Variants in FMR1 observed in about 807,000 individuals in gnomAD.
The protein encoded by FMR1 is FMRP translational regulator 1.
A neutral mutation model predicts 50.6 loss-of-function variants in FMR1; 13 were observed. The ratio of observed to expected loss-of-function variants is 0.26; its 90% CI spans 0.17 to 0.41. The LOEUF is 0.41. Ranked by LOEUF, FMR1 falls within the 10% of genes least tolerant of loss-of-function variation. The probability of loss-of-function intolerance (pLI) is 1.00; values close to 1 mark genes in which losing one functional copy is unlikely to be tolerated. For missense variants in FMR1, 316 were observed against 491.3 expected (o/e 0.64, Z 3.37); for synonymous variants, 138 against 164.1 (o/e 0.84, Z 1.22).
rs2043832098 is a variant in FMR1 at position 147,937,495 on chromosome X, C to T, written c.1020C>T (p.Ser340=). Residue 340 remains serine, a synonymous_variant, in exon 11 of 17, where the codon TCC becomes TCT. Transcript: ENST00000370475. The part of the protein sequence containing the change: ...EEIMPPNSLP[S]NNSRVGPNAP... ...TTATGCCACCAAATTCCCTTCCTTC[C>T]AATAATTCAAGGGTTGGACCTAATG... 1 of 1,201,344 alleles carries T rather than the reference C, an allele frequency of 8.3e-7. No individual in the cohort carries two copies. The highest frequency in any genetic ancestry group is 1.8e-5 in the African/African-American group (1 of 56,598).
intron 5 of FMR1, among the ~76,000 whole-genome samples, chrX:147,929,151 C>T (rs782258926): frequency 1.8e-5 from 2 of 111,708 alleles, no homozygotes; most frequent in East Asian, 2.8e-4. Flanking sequence ...AAACTATAAA[C>T]GATTTCTCCG....
chrX:147,933,438 A>T (rs2043677272), intron 9 of FMR1: 1 of 996,400 alleles, frequency 1.0e-6, no homozygotes, highest in African/African-American at 2.0e-5. Flanking sequence ...AAATCTAAAA[A>T]GTTCCAAAGC....
intron 1 of FMR1, among the ~76,000 whole-genome samples, chrX:147,921,693 T>G (rs1250322417): frequency 1.8e-5 from 2 of 111,760 alleles, no homozygotes; most frequent in Middle Eastern, 4.2e-3. Context: ...GATGTTGAAA[T>G]CTGTGGAGAA....
chrX:147,944,977 G>A lies in FMR1; in HGVS notation c.1580G>A (p.Arg527His), dbSNP rs782738200. The A allele has an allele frequency of 1.7e-5, 21 of 1,204,066 alleles. No individual in the cohort carries two copies. The highest frequency in any genetic ancestry group is 2.2e-5 in the Non-Finnish European group (20 of 892,263). ...GAGGAAGAGAGGGAGAGCTTCCTGC[G>A]CAGAGGAGACGGACGGCGGCGTGGA... ...PTEEERESFL[R>H]RGDGRRRGGG... The change falls in exon 15 of 17, where the codon CGC (arginine) becomes CAC (histidine). Residue 527 changes from arginine to histidine, a missense_variant. Coordinates refer to ENST00000370475, the MANE Select transcript of FMR1 (RefSeq NM_002024.6).
chrX:147,943,537 C>CTGAT lies in FMR1; in HGVS notation c.1471+214_1471+217dup, dbSNP rs782208740. On this transcript the variant is annotated intron_variant, in intron 14 of 16. Coordinates refer to ENST00000370475, the MANE Select transcript of FMR1 (RefSeq NM_002024.6). ...GGCCGGTGCAAGTTCTGTTCATGCT[C>CTGAT]TGATTGGGGGTAAATCTGCAAAGCC... 5 of 424,434 alleles carry CTGAT rather than the reference C, an allele frequency of 1.2e-5. No homozygotes were observed. The South Asian group carries it at 1.8e-4, about 16-fold the overall frequency. The allele number at this position is 424,434 out of a possible 1,213,427, so 35.0% of individuals were successfully genotyped here. A position where few individuals can be genotyped will look rare whatever the true frequency, so the allele number is the denominator to read the frequency against.
chrX:147,918,512 ACATCCGGAAAT>A (rs1196319790), intron 1 of FMR1, among the ~76,000 whole-genome samples: 3 of 100,380 alleles, frequency 3.0e-5, no homozygotes, highest in South Asian at 4.8e-4. Flanking sequence ...CTCTGACACT[ACATCCGGAAAT>A]CATCCGGAAA....
intron 3 of FMR1, among the ~76,000 whole-genome samples, chrX:147,926,548 C>T (rs2043394504): frequency 1.8e-5 from 2 of 110,184 alleles, no homozygotes; most frequent in African/African-American, 3.3e-5. Flanking sequence ...AGTGCAATGG[C>T]GCGATCTTGG....
chrX:147,929,378 A>G (rs1557178204), intron 5 of FMR1, among the ~76,000 whole-genome samples: 1 of 111,389 alleles, frequency 9.0e-6, no homozygotes, highest in African/African-American at 3.3e-5. Context: ...TTCAGAATAC[A>G]TAGAAATCCT....
At chrX:147,935,452 T>C (rs1408384413) in intron 9 of FMR1, among the ~76,000 whole-genome samples, 1 of 112,393 alleles carries the variant, frequency 8.9e-6, no homozygotes, top group East Asian at 2.8e-4. Context: ...TGCCTTGAGC[T>C]TTGCCTTTAA....
Position 147,912,096 on chromosome X carries a change from C to CGGCGGCGGA in FMR1, c.-76_-75insAGGCGGCGG, listed in dbSNP as rs1931669889. The CGGCGGCGGA allele has an allele frequency of 1.2e-5, 7 of 604,630 alleles. No homozygotes were observed. Among genetic ancestry groups the CGGCGGCGGA allele is most frequent in the Middle Eastern group, 9.6e-4 (1 of 1,046 alleles). The allele number at this position is 604,630 out of a possible 1,213,427, so 49.8% of individuals were successfully genotyped here. On this transcript the variant is annotated 5_prime_UTR_variant, in exon 1 of 17. Coordinates refer to ENST00000370475, the MANE Select transcript of FMR1 (RefSeq NM_002024.6). ...GCGGCGGCGGAGGCGGCGGCGGCGG[C>CGGCGGCGGA]GGCGGCGGCGGCGGCTGGGCCTCGA...
intron 9 of FMR1, among the ~76,000 whole-genome samples, chrX:147,935,274 AG>A (rs1451471816): frequency 8.9e-6 from 1 of 112,013 alleles, no homozygotes; most frequent in Non-Finnish European, 1.9e-5. Flanking sequence ...TTCTATGACC[AG>A]TCAAAGAGTT....
Position 147,938,126 on chromosome X carries a change from G to C in FMR1, c.1153G>C (p.Gly385Arg). The C allele has an allele frequency of 8.3e-7, 1 of 1,209,154 alleles. No homozygotes were observed. Among genetic ancestry groups the C allele is most frequent in the Non-Finnish European group, 1.1e-6 (1 of 893,010 alleles). The change falls in exon 12 of 17, where the codon GGG (glycine) becomes CGG (arginine). Residue 385 changes from glycine (G) to arginine (R), a missense_variant. Gly to Arg is a moderately radical substitution (Grantham distance 125). Around this residue, in one of 4 missense-constraint regions of FMR1, gnomAD observed 53 missense variants for 51.5 expected, o/e 1.03. Coordinates refer to ENST00000370475, the MANE Select transcript of FMR1 (RefSeq NM_002024.6). ...GTTAGTGGCTTCATCAGTTGTAGCA[G>C]GGGAATCCCAGAAACCTGAACTCAA... ...RVLVASSVVA[G>R]ESQKPELKAW...
intron 1 of FMR1, among the ~76,000 whole-genome samples, chrX:147,917,405 G>C (rs782365683): frequency 3.6e-5 from 4 of 111,894 alleles, no homozygotes; most frequent in Non-Finnish European, 7.5e-5. Flanking sequence ...CCAGTTGCTA[G>C]TAAATTAGGG....
rs1557181565 is a variant in FMR1, at chrX:147,944,815, CTTTTT to C, written c.1472-44_1472-40del. 1.5e-5 allele frequency: 16 copies of C among 1,049,453 alleles called. No individual in the cohort carries two copies. In the African/African-American group the frequency reaches 3.2e-4, roughly 21 times the overall value. The allele number at this position is 1,049,453 out of a possible 1,213,427, so 86.5% of individuals were successfully genotyped here. On this transcript the variant is annotated intron_variant, in intron 14 of 16. Coordinates refer to ENST00000370475, the MANE Select transcript of FMR1 (RefSeq NM_002024.6). ...GTCTCTGGAAGCTTCTGTTAACCCT[CTTTTT>C]TTTTTTTTTAAAGTCAGACAATGGT...
intron 1 of FMR1, among the ~76,000 whole-genome samples, chrX:147,917,381 A>G (rs1383100660): frequency 1.8e-5 from 2 of 111,947 alleles, no homozygotes; most frequent in Non-Finnish European, 3.8e-5. Flanking sequence ...GATTATTGTA[A>G]TTACCTCTTT....
intron 1 of FMR1, among the ~76,000 whole-genome samples, chrX:147,918,589 A>G (rs963030614): frequency 2.9e-4 from 14 of 48,536 alleles, no homozygotes; most frequent in Non-Finnish European, 4.2e-4. Context: ...TTGAATAGCT[A>G]CAGCACTTGC....
chrX:147,947,528 G>A (rs1167773389), intron 16 of FMR1: 1 of 109,786 alleles, frequency 9.1e-6, no homozygotes, highest in Non-Finnish European at 1.9e-5. Context: ...GGCTAACATG[G>A]TGAAACCCCA....
rs1333529157 is a variant in FMR1, at chrX:147,912,133, C to T, written c.-47C>T. On this transcript the variant is annotated 5_prime_UTR_variant, in exon 1 of 17. Coordinates refer to ENST00000370475, the MANE Select transcript of FMR1 (RefSeq NM_002024.6). ...CGGCTGGGCCTCGAGCGCCCGCAGC[C>T]CACCTCTCGGGGGCGGGCTCCCGGC... 7.3e-6 allele frequency: 7 copies of T among 959,316 alleles called. No individual in the cohort carries two copies. In the African/African-American group the frequency reaches 1.9e-4, roughly 26 times the overall value. The allele number at this position is 959,316 out of a possible 1,213,427, so 79.1% of individuals were successfully genotyped here. A position where few individuals can be genotyped will look rare whatever the true frequency, so the allele number is the denominator to read the frequency against.
Position 147,940,563 on chromosome X carries a change from A to G in FMR1, c.1189-13A>G. On this transcript the variant is annotated splice_polypyrimidine_tract_variant and intron_variant, in intron 12 of 16. Transcript: ENST00000370475. ...TTACTTTTATAGGATCATTGTTGCA[A>G]TTTCTTTTTCAGGGTATGGTACCAT... 1 of 1,126,636 alleles carries G rather than the reference A, an allele frequency of 8.9e-7. No homozygotes were observed. The highest frequency in any genetic ancestry group is 1.2e-6 in the Non-Finnish European group (1 of 818,064). 92.8% of individuals were successfully genotyped at this position (1,126,636 alleles called of 1,213,427 possible).
Sources: allele counts gnomAD v4.1 joint callset (sites outside exome capture counted in the v4.1 genomes callset), GRCh38; gene constraint gnomAD v4.1.1; regional missense constraint gnomAD v4.1.1; transcripts MANE v1.5; gene names NCBI Gene and HGNC (gene_info 2026-07-23, HGNC 2026-07-21).